The following ZNF266 variants were observed in gnomAD, a reference collection of about 807,000 sequenced individuals.
ZNF266 encodes zinc finger protein 1.
In ZNF266, 16 loss-of-function variants were observed where a neutral mutation model predicts 16.4. That is an observed-to-expected ratio of 0.98 (90% CI 0.66 to 1.48). The LOEUF (loss-of-function observed/expected upper bound fraction) is 1.48. ZNF266 is among the 40% of genes most tolerant of loss of function. The pLI is 0.00. For missense variants in ZNF266, 738 were observed against 689.1 expected (o/e 1.07, Z -0.79); for synonymous variants, 262 against 237.9 (o/e 1.10, Z -0.93).
chr19:9,417,351 G>A (rs546395126), intron 9 of ZNF266, among the ~76,000 whole-genome samples: 16 of 152,228 alleles, frequency 1.1e-4, no homozygotes, highest in East Asian at 9.7e-4. Context: ...CAGCCTGGGT[G>A]ACAGTGAAAC....
Position 9,418,022 on chromosome 19 carries a change from C to T in ZNF266, c.236-114G>A. 5 of 1,091,938 alleles carry T rather than the reference C, an allele frequency of 4.6e-6. No individual in the cohort carries two copies. The South Asian group carries it at 6.7e-5, about 15-fold the overall frequency. 67.6% of individuals were successfully genotyped at this position (1,091,938 alleles called of 1,614,324 possible). On this transcript the variant is annotated intron_variant, in intron 8 of 10. Coordinates refer to ENST00000592904, the MANE Select transcript of ZNF266 (RefSeq NM_001370374.1). ...AAGCAGTGAAATTATTTTAAAAGGG[C>T]TAAAAATGCAAATATCGTCTGTCTG...
chr19:9,431,035 C>G (rs78447388), intron 5 of ZNF266, among the ~76,000 whole-genome samples: 2,342 of 152,334 alleles, frequency 0.015, 41 homozygotes, highest in African/African-American at 0.032. Context: ...CCACCCAACA[C>G]ACCAGAACAC....
Position 9,418,578 on chromosome 19 carries a change from A to G in ZNF266, c.162T>C (p.Thr54=), listed in dbSNP as rs2069408588. Residue 54 remains threonine (T), a synonymous_variant, in exon 8 of 11, where the codon ACT becomes ACC. Coordinates refer to ENST00000592904, the MANE Select transcript of ZNF266 (RefSeq NM_001370374.1). ...LAVDFTPEEW[T]LLDPTQRNLY... Reference sequence around the variant, plus strand: ...GGTTTCTCTGAGTTGGGTCCAGTAAAGTCCATTCTTCTGGGGTGAAGTCCA... The same window carrying G: ...GGTTTCTCTGAGTTGGGTCCAGTAAGGTCCATTCTTCTGGGGTGAAGTCCA... 6.2e-7 allele frequency: 1 copy of G among 1,611,950 alleles called. No homozygotes were observed. Among genetic ancestry groups the G allele is most frequent in the Non-Finnish European group, 8.5e-7 (1 of 1,178,100 alleles).
chr19:9,417,767 C>T, intron 9 of ZNF266, 61 bp downstream of exon 9: 2 of 1,441,602 alleles, frequency 1.4e-6, no homozygotes, highest in Non-Finnish European at 1.9e-6. Context: ...AAAAAGTTTC[C>T]TCATTATACT....
At chr19:9,430,477 C>T (rs1311096192) in intron 5 of ZNF266, among the ~76,000 whole-genome samples, 1 of 152,202 alleles carries the variant, frequency 6.6e-6, no homozygotes, top group Non-Finnish European at 1.5e-5. Context: ...TATCCAACCA[C>T]ACCACTCTTG....
At chr19:9,425,544 C>G (rs1452628273) in intron 5 of ZNF266, among the ~76,000 whole-genome samples, 1 of 152,196 alleles carries the variant, frequency 6.6e-6, no homozygotes, top group African/African-American at 2.4e-5. Flanking sequence ...TGGTCACAAC[C>G]TGAGGGACAC....
chr19:9,428,729 A>C (rs984096920), intron 5 of ZNF266, among the ~76,000 whole-genome samples: 3 of 151,772 alleles, frequency 2.0e-5, no homozygotes, highest in East Asian at 1.9e-4. Flanking sequence ...AAAAAAAAAA[A>C]AAAACCCTGG....
In ZNF266 at chr19:9,424,220, C is replaced by CA. The variant is rs55740067; in HGVS notation, c.-129-4003dup. On this transcript the variant is annotated intron_variant, in intron 5 of 10. Transcript: ENST00000592904. ...CTTCATATACCACTAAACCAAGAGG[C>CA]AAAAAAAAAAAAAAAAAAAAAGAAA... 3.2e-3 allele frequency among the ~76,000 whole-genome samples: 386 copies of CA among 121,392 alleles called. 2 individuals are homozygous for CA. The highest frequency in any genetic ancestry group is 5.7e-3 in the East Asian group (21 of 3,698). 79.6% of individuals were successfully genotyped at this position (121,392 alleles called of 152,430 possible).
At chr19:9,431,694 G>C (rs1339606150) in intron 5 of ZNF266, among the ~76,000 whole-genome samples, 1 of 152,094 alleles carries the variant, frequency 6.6e-6, no homozygotes, top group African/African-American at 2.4e-5. Flanking sequence ...CCTTTGCCTT[G>C]AAACACTGCT....
At position 9,412,447 on chromosome 19, in the gene ZNF266, A is replaced by T. The variant is rs1036583971; in HGVS notation, c.*828T>A. 1.3e-5 allele frequency among the ~76,000 whole-genome samples: 2 copies of T among 152,228 alleles called. No individual in the cohort carries two copies. The highest frequency in any genetic ancestry group is 2.4e-5 in the African/African-American group (1 of 41,466). ...GAAAAAATAATCACAAAAAAATTTT[A>T]TTATGTTTGAAGAAAGCTTAAAAAT... On this transcript the variant is annotated 3_prime_UTR_variant, in exon 11 of 11. Coordinates refer to ENST00000592904, the MANE Select transcript of ZNF266 (RefSeq NM_001370374.1).
In ZNF266 at chr19:9,415,683, C is replaced by A. The variant is rs2068869283; in HGVS notation, c.376G>T (p.Gly126Trp). ...KELALQQDVL[G>W]EPTSSGIQMI... ...TGAATCCCACTGGAGGTTGGCTCCCCCAAAACATCCTGCTGAAGGGCTAAC... is the reference window on the plus strand; with the variant it reads ...TGAATCCCACTGGAGGTTGGCTCCCACAAAACATCCTGCTGAAGGGCTAAC... Residue 126 changes from glycine to tryptophan, a missense_variant, in exon 10 of 11, where the codon GGG becomes TGG. By Grantham distance (184) the Gly-to-Trp change is radical (BLOSUM62 -2). Transcript: ENST00000592904. 1 of 1,613,102 alleles carries A rather than the reference C, an allele frequency of 6.2e-7. No homozygotes were observed. Among genetic ancestry groups the A allele is most frequent in the East Asian group, 2.2e-5 (1 of 44,820 alleles).
chr19:9,428,219 C>T (rs972708576), intron 5 of ZNF266, among the ~76,000 whole-genome samples: 1 of 152,184 alleles, frequency 6.6e-6, no homozygotes, highest in African/African-American at 2.4e-5. Flanking sequence ...TCCTCCTATG[C>T]AGCTGCCCAC....
At position 9,413,369 on chromosome 19, in the gene ZNF266, G is replaced by T. The variant is rs563491882; in HGVS notation, c.1757C>A (p.Pro586His). ...TTTCCCGCACTCCTTACATTCATAGGGTTTCTCTCCAGTGTGAGTTCGTTC... is the reference window on the plus strand; with the variant it reads ...TTTCCCGCACTCCTTACATTCATAGTGTTTCTCTCCAGTGTGAGTTCGTTC... Reference protein sequence around the residue: ...LHERTHTGEKPYECKECGKAF... With the variant: ...LHERTHTGEKHYECKECGKAF... The change falls in exon 11 of 11, where the codon CCC becomes CAC. Residue 586 changes from proline to histidine, a missense_variant. Physicochemically the swap from Pro to His is moderately conservative, Grantham distance 77. Transcript: ENST00000592904. 1.2e-6 allele frequency: 2 copies of T among 1,614,002 alleles called. No individual in the cohort carries two copies. The highest frequency in any genetic ancestry group is 1.3e-5 in the African/African-American group (1 of 74,898).
At chr19:9,425,028 T>C (rs979428683) in intron 5 of ZNF266, among the ~76,000 whole-genome samples, 18 of 152,350 alleles carry the variant, frequency 1.2e-4, no homozygotes, top group African/African-American at 2.9e-4. Context: ...TAGTTAAAAC[T>C]TCCCCTGCCT....
In ZNF266 at chr19:9,418,567, G is replaced by A; in HGVS notation, c.173C>T (p.Pro58Leu). Reference sequence around the variant, plus strand: ...ATCTCTGTAGAGGTTTCTCTGAGTTGGGTCCAGTAAAGTCCATTCTTCTGG... The same window carrying A: ...ATCTCTGTAGAGGTTTCTCTGAGTTAGGTCCAGTAAAGTCCATTCTTCTGG... ...FTPEEWTLLD[P>L]TQRNLYRDVM... Residue 58 changes from proline to leucine, a missense_variant, in exon 8 of 11, where the codon CCA (proline) becomes CTA (leucine). Physicochemically the swap from Pro to Leu is moderately conservative, Grantham distance 98. Transcript: ENST00000592904. The A allele has an allele frequency of 6.2e-7, 1 of 1,614,040 alleles. No individual in the cohort carries two copies. Among genetic ancestry groups the A allele is most frequent in the Non-Finnish European group, 8.5e-7 (1 of 1,179,910 alleles).
In ZNF266 at chr19:9,414,693, T is replaced by C. The variant is rs777125912; in HGVS notation, c.433A>G (p.Ser145Gly). 1.3e-6 allele frequency: 2 copies of C among 1,582,558 alleles called. No individual in the cohort carries two copies. The highest frequency in any genetic ancestry group is 2.3e-5 in the South Asian group (2 of 88,612). ...MIGSHNGGEV[S>G]DVKQCGDVSS... ...ACATCTCCACATTGCTTAACATCAC[T>C]GACCTCCCCTCCGTTGTGGCTTCCT... Residue 145 changes from serine to glycine, a missense_variant, in exon 11 of 11, where the codon AGT becomes GGT. Physicochemically the swap from Ser to Gly is moderately conservative, Grantham distance 56 (BLOSUM62 0). Coordinates refer to ENST00000592904, the MANE Select transcript of ZNF266 (RefSeq NM_001370374.1).
chr19:9,418,383 G>T, intron 8 of ZNF266, 122 bp downstream of exon 8: 1 of 1,084,292 alleles, frequency 9.2e-7, no homozygotes. Flanking sequence ...AACCCTATTA[G>T]GGCAGGGACT....
intron 5 of ZNF266, among the ~76,000 whole-genome samples, chr19:9,430,887 C>T (rs1398177257): frequency 6.6e-6 from 1 of 152,218 alleles, no homozygotes; most frequent in Admixed American, 6.5e-5. Context: ...TCTCATTCCC[C>T]ACCCACTGGT....
chr19:9,426,823 T>C (rs1255454441), intron 5 of ZNF266, among the ~76,000 whole-genome samples: 1 of 152,140 alleles, frequency 6.6e-6, no homozygotes, highest in Admixed American at 6.6e-5. Context: ...GGTAACTAAA[T>C]ACAGGAGAAA....
Sources: allele counts gnomAD v4.1 joint callset (sites outside exome capture counted in the v4.1 genomes callset), GRCh38; gene constraint gnomAD v4.1.1; transcripts MANE v1.5; gene names NCBI Gene and HGNC (gene_info 2026-07-23, HGNC 2026-07-21).